MATN3: variants seen among roughly 807,000 people sequenced by gnomAD.
MATN3 encodes the protein matrilin 3.
In MATN3, 48 loss-of-function variants were observed where a neutral mutation model predicts 45.3. The ratio of observed to expected loss-of-function variants is 1.06; its 90% CI spans 0.84 to 1.35. The LOEUF is 1.35. Among genes scored for constraint, MATN3 ranks in the 40% most tolerant of loss-of-function variants. MATN3 has a pLI of 0.00. For synonymous variants in MATN3, 217 were observed against 245.9 expected (o/e 0.88, Z 1.10); for missense variants, 599 against 628.0 (o/e 0.95, Z 0.49).
intron 1 of MATN3, among the ~76,000 whole-genome samples, chr2:20,011,919 G>C (rs1019475416): frequency 1.3e-5 from 2 of 152,190 alleles, no homozygotes; most frequent in Non-Finnish European, 2.9e-5. Context: ...GGTATCCTAC[G>C]GCTCCTCGGA....
At chr2:20,010,642 G>T (rs1673204318) in intron 1 of MATN3, among the ~76,000 whole-genome samples, 1 of 152,168 alleles carries the variant, frequency 6.6e-6, no homozygotes, top group African/African-American at 2.4e-5. Context: ...ATAAGCCAAG[G>T]AACTCAGCAG....
At position 19,997,164 on chromosome 2, in the gene MATN3, T is replaced by G; in HGVS notation, c.1264A>C (p.Thr422Pro). 1 of 1,613,936 alleles carries G rather than the reference T, an allele frequency of 6.2e-7. No homozygotes were observed. Among genetic ancestry groups the G allele is most frequent in the Non-Finnish European group, 8.5e-7 (1 of 1,179,840 alleles). ...SYHCDCYPGY[T>P]LNEDKKTCSA... ...CATGTTTTCTTGTCCTCATTTAAGG[T>G]GTAGCCAGGATAGCAATCACAGTGG... Residue 422 changes from threonine to proline, a missense_variant, in exon 6 of 8, where the codon ACC (threonine) becomes CCC (proline). Transcript: ENST00000407540.
At position 20,003,266 on chromosome 2, in the gene MATN3, C is replaced by G; in HGVS notation, c.811G>C (p.Gly271Arg). 3 of 1,613,796 alleles carry G rather than the reference C, an allele frequency of 1.9e-6. No homozygotes were observed. Among genetic ancestry groups the G allele is most frequent in the Non-Finnish European group, 2.5e-6 (3 of 1,179,750 alleles). ...TFCALDPCVLGTHQCQHVCIS... is the reference protein window; with the variant it reads ...TFCALDPCVLRTHQCQHVCIS... ...CAGACGTGCTGGCACTGGTGTGTTC[C>G]AAGCACACAGGGGTCCAGCGCTGTG... The change falls in exon 3 of 8, where the codon GGA becomes CGA. Residue 271 changes from glycine (G) to arginine (R), a missense_variant. Physicochemically the swap from Gly to Arg is moderately radical, Grantham distance 125. Transcript: ENST00000407540.
At chr2:20,007,682 T>G (rs1673135314) in intron 1 of MATN3, among the ~76,000 whole-genome samples, 1 of 152,356 alleles carries the variant, frequency 6.6e-6, no homozygotes, top group South Asian at 2.1e-4. Flanking sequence ...TCTTTTGACT[T>G]ATTCATTCAC....
chr2:20,008,780 G>A (rs1673162744), intron 1 of MATN3, among the ~76,000 whole-genome samples: 1 of 152,044 alleles, frequency 6.6e-6, no homozygotes, highest in African/African-American at 2.4e-5. Context: ...CAGTCCCTGG[G>A]AGCTTGCTAC....
At chr2:19,994,615 T>C (rs1249096832) in intron 6 of MATN3, among the ~76,000 whole-genome samples, 4 of 152,008 alleles carry the variant, frequency 2.6e-5, no homozygotes, top group Non-Finnish European at 5.9e-5. Flanking sequence ...TTGGGGAAAA[T>C]GTTTATAATT....
At chr2:19,996,423 A>G (rs1330987046) in intron 6 of MATN3, among the ~76,000 whole-genome samples, 1 of 152,242 alleles carries the variant, frequency 6.6e-6, no homozygotes, top group Non-Finnish European at 1.5e-5. Flanking sequence ...CTCTCCAGGA[A>G]AAGATGCCTC....
chr2:19,998,533 A>G (rs577531501), intron 5 of MATN3, among the ~76,000 whole-genome samples: 1 of 152,320 alleles, frequency 6.6e-6, no homozygotes, highest in Non-Finnish European at 1.5e-5. Flanking sequence ...AGGCAGGTGT[A>G]TTGCTTGAGC....
intron 5 of MATN3, among the ~76,000 whole-genome samples, chr2:19,999,558 T>C (rs969971764): frequency 4.6e-5 from 7 of 150,806 alleles, no homozygotes; most frequent in Non-Finnish European, 7.4e-5. Context: ...CTTCTTTGTA[T>C]GCTCCCAATG....
At chr2:19,997,710 C>T (rs1353106812) in intron 5 of MATN3, 1 of 153,628 alleles carries the variant, frequency 6.5e-6, no homozygotes, top group Non-Finnish European at 1.4e-5. Context: ...ACTATATTGA[C>T]CAAGTGCCTG....
chr2:20,008,616 T>C (rs965005178), intron 1 of MATN3, among the ~76,000 whole-genome samples: 1 of 152,180 alleles, frequency 6.6e-6, no homozygotes, highest in African/African-American at 2.4e-5. Flanking sequence ...AGTAACACTT[T>C]AGGAATCGCA....
intron 1 of MATN3, among the ~76,000 whole-genome samples, chr2:20,007,941 A>G (rs1673144076): frequency 6.6e-6 from 1 of 152,166 alleles, no homozygotes; most frequent in South Asian, 2.1e-4. Flanking sequence ...GGATGAGACA[A>G]GAAAAAAAGC....
At chr2:19,999,606 T>TTTTTTTAC in intron 5 of MATN3, among the ~76,000 whole-genome samples, 1 of 146,794 alleles carries the variant, frequency 6.8e-6, no homozygotes, top group Non-Finnish European at 1.5e-5. Context: ...GTGTCCGGTA[T>TTTTTTTAC]TTTTTTACTG....
chr2:20,010,261 C>T (rs1006071501), intron 1 of MATN3, among the ~76,000 whole-genome samples: 22 of 152,012 alleles, frequency 1.4e-4, no homozygotes, highest in African/African-American at 5.3e-4. Flanking sequence ...GTGCTTTCAC[C>T]AGCACCCAAA....
At chr2:19,998,381 C>A (rs1672921535) in intron 5 of MATN3, among the ~76,000 whole-genome samples, 1 of 152,154 alleles carries the variant, frequency 6.6e-6, no homozygotes, top group South Asian at 2.1e-4. Context: ...CTACCACTAG[C>A]AACGGAAAAG....
chr2:19,995,350 G>A lies in MATN3; in HGVS notation c.1295-941C>T, dbSNP rs927241065. On this transcript the variant is annotated intron_variant, in intron 6 of 7. Transcript: ENST00000407540. The surrounding 1 kb of genome is among the most constrained non-coding windows in gnomAD (Gnocchi z 4.2). ...TGCCTGTAATCCCAGCTACTCGGGA[G>A]ACTGAGGCAGGAGGATTGCTTGAAC... Among the ~76,000 whole-genome samples the A allele has an allele frequency of 5.9e-5, 9 of 152,056 alleles. No homozygotes were observed. The highest frequency in any genetic ancestry group is 5.9e-4 in the Admixed American group (9 of 15,258).
intron 6 of MATN3, among the ~76,000 whole-genome samples, chr2:19,994,926 A>C (rs1672833492): frequency 6.6e-6 from 1 of 151,924 alleles, no homozygotes; most frequent in Admixed American, 6.6e-5. Context: ...CTGTCTCTAC[A>C]AAAAAGTAAA....
Position 20,006,121 on chromosome 2 carries a change from T to A in MATN3, c.413A>T (p.Gln138Leu), listed in dbSNP as rs1383914077. The A allele has an allele frequency of 6.2e-7, 1 of 1,613,736 alleles. No homozygotes were observed. The highest frequency in any genetic ancestry group is 8.5e-7 in the Non-Finnish European group (1 of 1,179,846). Residue 138 changes from glutamine (Q) to leucine (L), a missense_variant, in exon 2 of 8, where the codon CAG (glutamine) becomes CTG (leucine). Transcript: ENST00000407540. Reference protein sequence around the residue: ...ASTVKIEFQLQAYTDKQSLKQ... With the variant: ...ASTVKIEFQLLAYTDKQSLKQ... The stretch of plus-strand genomic sequence containing the variant: ...CAGGGACTGCTTATCTGTGTAGGCC[T>A]GGAGTTGGAACTCGATCTTCACAGT...
At position 20,005,805 on chromosome 2, in the gene MATN3, G is replaced by A; in HGVS notation, c.729C>T (p.Phe243=). Residue 243 remains phenylalanine, a synonymous_variant, in exon 2 of 8, where the codon TTC becomes TTT. Coordinates refer to ENST00000407540, the MANE Select transcript of MATN3 (RefSeq NM_002381.5). ...MASEPLEEHV[F]YVETYGVIEK... ...CAATGACCCCATAGGTCTCCACGTA[G>A]AAAACATGCTCCTCTAGGGGCTCAC... The A allele has an allele frequency of 6.2e-7, 1 of 1,611,266 alleles. No individual in the cohort carries two copies.
Sources: gnomAD v4.1 joint callset for allele counts (sites outside exome capture counted in the v4.1 genomes callset) on GRCh38, gnomAD v4.1.1 for gene constraint, Gnocchi (gnomAD v3.1) non-coding constraint, MANE v1.5 for transcripts, NCBI Gene and HGNC (gene_info 2026-07-23, HGNC 2026-07-21) for gene names.